The following IMMP2L variants were observed in gnomAD, a reference collection of about 807,000 sequenced individuals.
IMMP2L encodes inner mitochondrial membrane peptidase subunit 2.
In IMMP2L, 18 loss-of-function variants were observed where a neutral mutation model predicts 19.3. That is an observed-to-expected ratio of 0.93 (90% confidence interval 0.64 to 1.38). The LOEUF is 1.38. Ranked by LOEUF, IMMP2L falls within the 40% of genes most tolerant of loss-of-function variation. The pLI, the probability that IMMP2L is intolerant of heterozygous loss-of-function variation, is 0.00. For missense variants in IMMP2L, 233 were observed against 218.2 expected (o/e 1.07, Z -0.43); for synonymous variants, 76 against 73.0 (o/e 1.04, Z -0.21).
At chr7:111,496,940 A>G (rs1190599156) in intron 2 of IMMP2L, among the ~76,000 whole-genome samples, 2 of 152,148 alleles carry the variant, frequency 1.3e-5, no homozygotes. Flanking sequence ...ACAGACAGAT[A>G]AATATCCTAT....
At chr7:110,823,644 T>C (rs993708410) in intron 5 of IMMP2L, among the ~76,000 whole-genome samples, 1 of 152,010 alleles carries the variant, frequency 6.6e-6, no homozygotes, top group African/African-American at 2.4e-5. Flanking sequence ...AAGATCAGAG[T>C]TCTTCCTACT....
intron 5 of IMMP2L, among the ~76,000 whole-genome samples, chr7:110,720,989 C>T (rs1047514062): frequency 2.6e-5 from 4 of 151,704 alleles, no homozygotes; most frequent in African/African-American, 9.7e-5. Context: ...TCTCCCCACC[C>T]CCTCCCCAGT....
chr7:110,690,884 G>T (rs1046141841), intron 5 of IMMP2L, among the ~76,000 whole-genome samples: 2 of 152,076 alleles, frequency 1.3e-5, no homozygotes, highest in African/African-American at 4.8e-5. Context: ...TGGTGAAAGT[G>T]ACCATACTGC....
At chr7:111,222,485 A>T (rs1409107342) in intron 3 of IMMP2L, among the ~76,000 whole-genome samples, 2 of 151,782 alleles carry the variant, frequency 1.3e-5, no homozygotes, top group Admixed American at 6.6e-5. Context: ...TTTTTTTTTT[A>T]AAGCTTAATG....
chr7:111,105,341 C>T (rs1004170856), intron 3 of IMMP2L, among the ~76,000 whole-genome samples: 4 of 151,812 alleles, frequency 2.6e-5, no homozygotes, highest in Non-Finnish European at 5.9e-5. Flanking sequence ...CTCAGAAACT[C>T]CGAAATTATG....
intron 3 of IMMP2L, among the ~76,000 whole-genome samples, chr7:111,060,781 T>A (rs1793945355): frequency 6.6e-6 from 1 of 152,198 alleles, no homozygotes; most frequent in African/African-American, 2.4e-5. Context: ...TGTTTAAAAA[T>A]AAGCTGCTTG....
intron 3 of IMMP2L, among the ~76,000 whole-genome samples, chr7:111,433,740 A>C (rs548911078): frequency 5.9e-5 from 9 of 151,802 alleles, no homozygotes; most frequent in Middle Eastern, 6.8e-3. Flanking sequence ...ACAGAACAAA[A>C]CCATATCATC....
intron 3 of IMMP2L, among the ~76,000 whole-genome samples, chr7:111,284,836 A>T (rs187361629): frequency 7.9e-5 from 12 of 152,328 alleles, no homozygotes; most frequent in African/African-American, 2.9e-4. Context: ...GTGGACAAAA[A>T]GTTGCAAATA....
At chr7:111,214,516 T>TG (rs1562934377) in intron 3 of IMMP2L, among the ~76,000 whole-genome samples, 3 of 144,762 alleles carry the variant, frequency 2.1e-5, no homozygotes, top group South Asian at 4.5e-4. Flanking sequence ...TTTTTTTTTT[T>TG]TTTTTTTTTT....
intron 3 of IMMP2L, among the ~76,000 whole-genome samples, chr7:111,465,014 A>G (rs2132042205): frequency 6.6e-6 from 1 of 152,156 alleles, no homozygotes; most frequent in South Asian, 2.1e-4. Context: ...GGATGGTCTC[A>G]ATCATCTTCT....
intron 4 of IMMP2L, among the ~76,000 whole-genome samples, chr7:110,891,261 A>G (rs1316163660): frequency 6.6e-6 from 1 of 151,396 alleles, no homozygotes; most frequent in Non-Finnish European, 1.5e-5. Context: ...AAAATCCACC[A>G]TCAGGAAAGA....
intron 3 of IMMP2L, among the ~76,000 whole-genome samples, chr7:111,059,052 G>A (rs1020007962): frequency 7.2e-5 from 11 of 151,764 alleles, no homozygotes; most frequent in African/African-American, 2.4e-4. Context: ...GCGCAATCTC[G>A]GCTCACTGCA....
chr7:111,176,553 G>T (rs1412987403), intron 3 of IMMP2L, among the ~76,000 whole-genome samples: 3 of 151,768 alleles, frequency 2.0e-5, no homozygotes, highest in Non-Finnish European at 4.4e-5. Context: ...ACTTATTTGT[G>T]GAAGCTAAAA....
At chr7:111,403,142 T>C (rs528239709) in intron 3 of IMMP2L, among the ~76,000 whole-genome samples, 23 of 152,044 alleles carry the variant, frequency 1.5e-4, no homozygotes, top group Middle Eastern at 3.4e-3. Context: ...CCCCACATGT[T>C]GAGGAAGGGA....
At chr7:110,965,557 A>G (rs1413359875) in intron 3 of IMMP2L, among the ~76,000 whole-genome samples, 1 of 151,988 alleles carries the variant, frequency 6.6e-6, no homozygotes, top group East Asian at 1.9e-4. Context: ...TATTTCTATA[A>G]CTTTAATGTC....
At chr7:111,559,248 A>G (rs4644159) in intron 1 of IMMP2L, among the ~76,000 whole-genome samples, 6,973 of 152,286 alleles carry the variant, frequency 0.046, 250 homozygotes, top group South Asian at 0.081. Context: ...TTTCCAGAGC[A>G]GTATCAGATA....
chr7:111,042,598 T>C lies in IMMP2L; in HGVS notation c.240-79033A>G, dbSNP rs112543816. ...ATGCTCGCAGAGGTCAAAGGGCTCC[T>C]GGTTAGGCAAAGAGAAGCAGGGATA... On this transcript the variant is annotated intron_variant, in intron 3 of 5. Transcript: ENST00000405709. Among the ~76,000 whole-genome samples the C allele has an allele frequency of 1.0e-2, 1,521 of 152,342 alleles. 25 individuals carry two copies. Among genetic ancestry groups the C allele is most frequent in the African/African-American group, 0.034 (1,402 of 41,586 alleles).
At position 111,062,267 on chromosome 7, in the gene IMMP2L, G is replaced by C. The variant is rs137952439; in HGVS notation, c.240-98702C>G. Among the ~76,000 whole-genome samples the C allele has an allele frequency of 4.2e-4, 64 of 152,238 alleles. No individual in the cohort carries two copies. In the East Asian group the frequency reaches 0.011, roughly 25 times the overall value. ...CTCACATGGTGGCAGACAAGAGAAGGGAGCTTGTAAAGGGAAACTCCCATT... is the reference window on the plus strand; with the variant it reads ...CTCACATGGTGGCAGACAAGAGAAGCGAGCTTGTAAAGGGAAACTCCCATT... On this transcript the variant is annotated intron_variant, in intron 3 of 5. Coordinates refer to ENST00000405709, the MANE Select transcript of IMMP2L (RefSeq NM_032549.4).
At chr7:111,115,918 CCA>C (rs1799827443) in intron 3 of IMMP2L, among the ~76,000 whole-genome samples, 1 of 152,230 alleles carries the variant, frequency 6.6e-6, no homozygotes, top group East Asian at 1.9e-4. Context: ...CTTAGGTGAT[CCA>C]CCCAACTCAG....
Sources: allele counts gnomAD v4.1 joint callset (sites outside exome capture counted in the v4.1 genomes callset), GRCh38; gene constraint gnomAD v4.1.1; transcripts MANE v1.5; gene names NCBI Gene and HGNC (gene_info 2026-07-23, HGNC 2026-07-21).